RAB10: variants seen among roughly 807,000 people sequenced by gnomAD.
RAB10 encodes the protein RAB10, member RAS oncogene family.
Under a neutral mutation model 25.7 loss-of-function variants are expected in RAB10, and 5 were observed. The observed-to-expected ratio is 0.19, with a 90% CI of 0.10 to 0.41. The LOEUF (loss-of-function observed/expected upper bound fraction) is 0.41, where lower values mean the gene tolerates loss of function less well. Ranked by LOEUF, RAB10 falls within the 10% of genes least tolerant of loss-of-function variation. RAB10 has a pLI of 1.00. For missense variants in RAB10, 103 were observed against 245.8 expected (o/e 0.42, Z 3.89); for synonymous variants, 89 against 86.4 (o/e 1.03, Z -0.16).
intron 1 of RAB10, among the ~76,000 whole-genome samples, chr2:26,063,115 C>CAA (rs5829994): frequency 0.016 from 2,257 of 141,494 alleles, 29 homozygotes; most frequent in South Asian, 0.019. Context: ...AACTCCATCT[C>CAA]AAAAAAAAAA....
At chr2:26,071,061 A>G (rs1210986719) in intron 1 of RAB10, among the ~76,000 whole-genome samples, 1 of 152,240 alleles carries the variant, frequency 6.6e-6, no homozygotes, top group Non-Finnish European at 1.5e-5. Flanking sequence ...TACTCACAAG[A>G]GAAAACTAAA....
At chr2:26,058,151 A>G (rs1007576387) in intron 1 of RAB10, among the ~76,000 whole-genome samples, 2 of 152,176 alleles carry the variant, frequency 1.3e-5, no homozygotes, top group Admixed American at 6.5e-5. Flanking sequence ...ATTAACCTCC[A>G]GAATTTCCCT....
chr2:26,109,372 T>C (rs938287345), intron 2 of RAB10, among the ~76,000 whole-genome samples: 1 of 152,220 alleles, frequency 6.6e-6, no homozygotes, highest in African/African-American at 2.4e-5. Context: ...AATACTACTA[T>C]TTACATTTCT....
At chr2:26,133,103 G>A (rs1012478494) in intron 5 of RAB10, among the ~76,000 whole-genome samples, 7 of 152,028 alleles carry the variant, frequency 4.6e-5, no homozygotes, top group African/African-American at 1.4e-4. Context: ...GAGCTCTAAG[G>A]GCAAGTAGCA....
At chr2:26,128,999 G>A (rs569444405) in intron 5 of RAB10, among the ~76,000 whole-genome samples, 9 of 152,238 alleles carry the variant, frequency 5.9e-5, no homozygotes, top group Non-Finnish European at 1.2e-4. Context: ...TTGGCCAGGC[G>A]CGGTGGCTCA....
intron 1 of RAB10, among the ~76,000 whole-genome samples, chr2:26,076,241 C>T (rs186855934): frequency 6.4e-4 from 97 of 152,310 alleles, no homozygotes; most frequent in African/African-American, 2.2e-3. Flanking sequence ...GTTAAAATTT[C>T]ACCTGATGCC....
chr2:26,072,593 T>G (rs891953860), intron 1 of RAB10, among the ~76,000 whole-genome samples: 9 of 152,182 alleles, frequency 5.9e-5, no homozygotes, highest in African/African-American at 1.9e-4. Context: ...TGTTGAAGAA[T>G]AATGTTTAGG....
In RAB10 at chr2:26,135,546, GA is replaced by G. The variant is rs1668093505; in HGVS notation, c.*527del. On this transcript the variant is annotated 3_prime_UTR_variant, in exon 6 of 6. Coordinates refer to ENST00000264710, the MANE Select transcript of RAB10 (RefSeq NM_016131.5). Reference sequence around the variant, plus strand: ...TTTGTCCTGTGCCTTATGTGGAAAGGAACTTCTTTGGTTTTCCTTTTTTGTT... The same window carrying G: ...TTTGTCCTGTGCCTTATGTGGAAAGGACTTCTTTGGTTTTCCTTTTTTGTT... 6.6e-6 allele frequency: 1 copy of G among 152,666 alleles called. No homozygotes were observed. The highest frequency in any genetic ancestry group is 6.5e-5 in the Admixed American group (1 of 15,278). The allele number at this position is 152,666 out of a possible 1,614,324, so 9.5% of individuals were successfully genotyped here. A position where few individuals can be genotyped will look rare whatever the true frequency, so the allele number is the denominator to read the frequency against.
intron 1 of RAB10, among the ~76,000 whole-genome samples, chr2:26,042,061 A>G (rs1202573949): frequency 6.6e-6 from 1 of 152,170 alleles, no homozygotes. Context: ...GTGATGTGGG[A>G]ATTACATGGA....
intron 1 of RAB10, among the ~76,000 whole-genome samples, chr2:26,085,506 AGTTAT>A (rs1052254641): frequency 1.3e-5 from 2 of 151,084 alleles, no homozygotes; most frequent in African/African-American, 4.9e-5. Context: ...AAAAAAAAAA[AGTTAT>A]GCAAAAAGAC....
At chr2:26,108,049 A>G (rs77093989) in intron 2 of RAB10, among the ~76,000 whole-genome samples, 1 of 152,354 alleles carries the variant, frequency 6.6e-6, no homozygotes, top group East Asian at 1.9e-4. Context: ...GATCTTTTAT[A>G]TGTTGCTAGT....
rs1339549784 is a variant in RAB10, at chr2:26,137,050, T to C, written c.*2029T>C. The C allele has an allele frequency of 6.6e-6, 1 of 152,644 alleles. No individual in the cohort carries two copies. The highest frequency in any genetic ancestry group is 1.5e-5 in the Non-Finnish European group (1 of 68,044). The allele number at this position is 152,644 out of a possible 1,614,324, so 9.5% of individuals were successfully genotyped here. ...TATTTTAACCCTCTTTAATTCTTAT[T>C]CAATTCCATGACTTAAGGTTGGAGA... On this transcript the variant is annotated 3_prime_UTR_variant, in exon 6 of 6. Transcript: ENST00000264710.
chr2:26,089,023 T>C lies in RAB10; in HGVS notation c.128-9639T>C, dbSNP rs1667047650. On this transcript the variant is annotated intron_variant, in intron 1 of 5. Coordinates refer to ENST00000264710, the MANE Select transcript of RAB10 (RefSeq NM_016131.5). Reference sequence around the variant, plus strand: ...CCATGATATTTACTTGAAAAAAGTTTAGCGCTATGAAAGTTGTGTTTGAAT... The same window carrying C: ...CCATGATATTTACTTGAAAAAAGTTCAGCGCTATGAAAGTTGTGTTTGAAT... 2.0e-5 allele frequency among the ~76,000 whole-genome samples: 3 copies of C among 152,136 alleles called. No individual in the cohort carries two copies. The South Asian group carries it at 6.2e-4, about 32-fold the overall frequency.
intron 1 of RAB10, among the ~76,000 whole-genome samples, chr2:26,088,770 G>A (rs960210630): frequency 2.6e-5 from 4 of 151,762 alleles, no homozygotes; most frequent in Admixed American, 6.6e-5. Flanking sequence ...GATTACAGGC[G>A]CCCGCCACCA....
In RAB10 at chr2:26,136,338, C is replaced by A. The variant is rs940509414; in HGVS notation, c.*1317C>A. On this transcript the variant is annotated 3_prime_UTR_variant, in exon 6 of 6. Transcript: ENST00000264710. ...GTATTGAGATTTGGCCTCTGAAGAA[C>A]ACTTTTTCAGTGTTAAGTTTCTTTA... The A allele has an allele frequency of 6.6e-6, 1 of 152,538 alleles. No individual in the cohort carries two copies. The highest frequency in any genetic ancestry group is 2.4e-5 in the African/African-American group (1 of 41,428). 9.4% of individuals were successfully genotyped at this position (152,538 alleles called of 1,614,324 possible).
chr2:26,073,945 A>G (rs967780698), intron 1 of RAB10, among the ~76,000 whole-genome samples: 1 of 152,238 alleles, frequency 6.6e-6, no homozygotes, highest in South Asian at 2.1e-4. Context: ...AGGATGTTAT[A>G]TATTTTAGAG....
intron 1 of RAB10, among the ~76,000 whole-genome samples, chr2:26,061,266 C>A (rs1486828329): frequency 2.6e-5 from 4 of 151,890 alleles, no homozygotes; most frequent in Non-Finnish European, 5.9e-5. Flanking sequence ...CAGGTGCACA[C>A]CACCAGGTCC....
intron 2 of RAB10, among the ~76,000 whole-genome samples, chr2:26,105,090 T>C (rs995379114): frequency 2.0e-5 from 3 of 152,166 alleles, no homozygotes; most frequent in Non-Finnish European, 2.9e-5. Flanking sequence ...CTTACTTCTT[T>C]TGCATGGATA....
chr2:26,073,970 G>A (rs970345798), intron 1 of RAB10, among the ~76,000 whole-genome samples: 4 of 152,208 alleles, frequency 2.6e-5, no homozygotes, highest in African/African-American at 9.6e-5. Flanking sequence ...GAGAAATCAG[G>A]TTGAATATGT....
Sources: gnomAD v4.1 joint callset for allele counts (sites outside exome capture counted in the v4.1 genomes callset) on GRCh38, gnomAD v4.1.1 for gene constraint, MANE v1.5 for transcripts, NCBI Gene and HGNC (gene_info 2026-07-23, HGNC 2026-07-21) for gene names.